Variants in NEBL observed in about 807,000 individuals in gnomAD.
The protein encoded by NEBL is nebulette.
NEBL carries 122 observed loss-of-function variants against 140.2 expected under a neutral mutation model. The observed-to-expected ratio is 0.87, with a 90% CI of 0.75 to 1.01. NEBL has a LOEUF of 1.01. Ranked by LOEUF, NEBL falls within the 50% of genes least tolerant of loss-of-function variation. The pLI is 0.00. For missense variants in NEBL, 1,365 were observed against 1,231.3 expected (o/e 1.11, Z -1.62); for synonymous variants, 436 against 398.9 (o/e 1.09, Z -1.11).
Position 21,112,741 on chromosome 10 carries a change from T to TA in NEBL, c.164+59641dup, listed in dbSNP as rs11342075. On this transcript the variant is annotated intron_variant, in intron 2 of 6. Transcript: ENST00000417816. ...ATGTACCCTAGAACTTAAAGTATAA[T>TA]AAAAAAAAAAAAAGAAAAAGAAAAA... is the stretch of plus-strand genomic sequence containing the variant. 7.1e-3 allele frequency: 985 copies of TA among 139,152 alleles called. 1 individual carries two copies. The highest frequency in any genetic ancestry group is 0.016 in the Middle Eastern group (4 of 256). The allele number at this position is 139,152 out of a possible 1,614,324, so 8.6% of individuals were successfully genotyped here. A position where few individuals can be genotyped will look rare whatever the true frequency, so the allele number is the denominator to read the frequency against.
At chr10:20,839,594 G>T (rs185674546) in intron 13 of NEBL, among the ~76,000 whole-genome samples, 3 of 152,206 alleles carry the variant, frequency 2.0e-5, no homozygotes, top group African/African-American at 7.2e-5. Flanking sequence ...TTTATTTAAA[G>T]AATGTGAATA....
intron 3 of NEBL, among the ~76,000 whole-genome samples, chr10:21,003,751 T>A (rs567972660): frequency 1.3e-5 from 2 of 152,222 alleles, no homozygotes; most frequent in African/African-American, 4.8e-5. Context: ...ATGAGGAATG[T>A]AGGAAAATTG....
At chr10:21,132,475 T>C (rs1303763749) in intron 2 of NEBL, among the ~76,000 whole-genome samples, 1 of 152,216 alleles carries the variant, frequency 6.6e-6, no homozygotes, top group East Asian at 1.9e-4. Context: ...TATGGATGTA[T>C]GTTTTCAATT....
At chr10:21,277,156 T>G (rs775590726) in intron 1 of NEBL, among the ~76,000 whole-genome samples, 7 of 151,022 alleles carry the variant, frequency 4.6e-5, no homozygotes, top group Non-Finnish European at 8.8e-5. Flanking sequence ...AAAACACGAT[T>G]GCTCATGCCT....
Position 20,840,763 on chromosome 10 carries a change from C to T in NEBL, c.1314G>A (p.Lys438=). 6.2e-7 allele frequency: 1 copy of T among 1,611,300 alleles called. No individual in the cohort carries two copies. The highest frequency in any genetic ancestry group is 2.2e-5 in the East Asian group (1 of 44,774). The change falls in exon 13 of 28, where the codon AAG becomes AAA. Residue 438 remains lysine (K), a synonymous_variant. Transcript: ENST00000377122. ...CCTCACTTGCCATTTCAGAGGCTCG[C>T]TTTGCTCTTTGGATATCAAGAACTT... The part of the protein sequence containing the change: ...NSEVLDIQRA[K]RASEMASEKE...
intron 3 of NEBL, among the ~76,000 whole-genome samples, chr10:21,213,378 C>T (rs1489032550): frequency 2.6e-5 from 4 of 152,162 alleles, no homozygotes; most frequent in African/African-American, 7.2e-5. Flanking sequence ...AGATGTAGAG[C>T]TGGTTGAGTG....
chr10:20,932,750 C>T lies in NEBL; in HGVS notation c.357+28922G>A, dbSNP rs112083950. On this transcript the variant is annotated intron_variant, in intron 4 of 6. Coordinates refer to the NEBL transcript ENST00000417816. ...AACCATTTTATTTGTCGATACTAAT[C>T]GTTGTGCTATTTCTTCACATGCCTT... Among the ~76,000 whole-genome samples the T allele has an allele frequency of 5.5e-3, 832 of 152,300 alleles. 8 individuals are homozygous for T. Among genetic ancestry groups the T allele is most frequent in the African/African-American group, 0.019 (777 of 41,564 alleles).
At chr10:21,232,729 C>G (rs1842282642) in intron 3 of NEBL, among the ~76,000 whole-genome samples, 1 of 152,176 alleles carries the variant, frequency 6.6e-6, no homozygotes, top group Non-Finnish European at 1.5e-5. Context: ...AGTCAGTGGC[C>G]TGGGTTTGGG....
chr10:21,234,452 A>G (rs772812411), intron 3 of NEBL, among the ~76,000 whole-genome samples: 80 of 152,060 alleles, frequency 5.3e-4, no homozygotes, highest in South Asian at 8.3e-4. Context: ...TATGGGTAAA[A>G]GCTCCCTGTG....
intron 20 of NEBL, among the ~76,000 whole-genome samples, chr10:20,817,894 T>C (rs2130818090): frequency 6.6e-6 from 1 of 152,290 alleles, no homozygotes; most frequent in South Asian, 2.1e-4. Context: ...ACTGTTTAAA[T>C]ATGTCTTCAA....
chr10:21,142,019 A>G (rs1462752777), intron 2 of NEBL, among the ~76,000 whole-genome samples: 3 of 151,904 alleles, frequency 2.0e-5, no homozygotes, highest in Non-Finnish European at 4.4e-5. Context: ...CCAAACATCA[A>G]CTCCAGCCTG....
In NEBL at chr10:20,980,054, A is replaced by C. The variant is rs1326244310; in HGVS notation, c.250-18275T>G. 7.3e-5 allele frequency among the ~76,000 whole-genome samples: 9 copies of C among 122,934 alleles called. No homozygotes were observed. The South Asian group carries it at 2.0e-3, about 27-fold the overall frequency. 80.6% of individuals were successfully genotyped at this position (122,934 alleles called of 152,430 possible). On this transcript the variant is annotated intron_variant, in intron 3 of 6. Coordinates refer to the NEBL transcript ENST00000417816. ...CTTTTAAAGTGTCTCATTTCCACAA[A>C]AAAAAAAAAACAAACCATAAAATTC...
intron 4 of NEBL, among the ~76,000 whole-genome samples, chr10:20,927,747 T>G (rs1368335901): frequency 6.6e-6 from 1 of 152,182 alleles, no homozygotes; most frequent in African/African-American, 2.4e-5. Flanking sequence ...CAGCCAGGGT[T>G]CAAATCCCAG....
intron 3 of NEBL, among the ~76,000 whole-genome samples, chr10:21,014,979 T>G (rs919982347): frequency 1.2e-4 from 19 of 152,212 alleles, no homozygotes; most frequent in Admixed American, 7.9e-4. Flanking sequence ...CCAGAATGAT[T>G]TGCATTCTCT....
intron 4 of NEBL, among the ~76,000 whole-genome samples, chr10:20,905,313 C>A (rs767152640): frequency 3.9e-5 from 6 of 152,092 alleles, no homozygotes; most frequent in Non-Finnish European, 7.4e-5. Flanking sequence ...AAAACATACC[C>A]GAGACTGGGT....
At chr10:21,005,934 A>T (rs923052800) in intron 3 of NEBL, among the ~76,000 whole-genome samples, 1 of 151,716 alleles carries the variant, frequency 6.6e-6, no homozygotes. Context: ...GGAATATATT[A>T]ATCCATATTT....
intron 14 of NEBL, among the ~76,000 whole-genome samples, chr10:20,833,162 T>G (rs569719583): frequency 1.3e-4 from 20 of 152,144 alleles, no homozygotes; most frequent in Non-Finnish European, 2.5e-4. Flanking sequence ...ACACCAAAAC[T>G]TAGCAGGTTT....
At chr10:20,801,121 C>T (rs1387132236) in intron 26 of NEBL, among the ~76,000 whole-genome samples, 6 of 152,182 alleles carry the variant, frequency 3.9e-5, no homozygotes, top group Admixed American at 1.3e-4. Flanking sequence ...TGCTCTCTCT[C>T]GTCTACCCTT....
intron 2 of NEBL, among the ~76,000 whole-genome samples, chr10:21,250,269 G>T (rs748672827): frequency 4.1e-4 from 62 of 152,048 alleles, no homozygotes; most frequent in Admixed American, 4.1e-3. Flanking sequence ...CTGCCAGCTC[G>T]GCCAGGATAT....
Sources: allele counts gnomAD v4.1 joint callset (sites outside exome capture counted in the v4.1 genomes callset), GRCh38; gene constraint gnomAD v4.1.1; transcripts MANE v1.5; gene names NCBI Gene and HGNC (gene_info 2026-07-23, HGNC 2026-07-21).